SATB1: variants seen among roughly 807,000 people sequenced by gnomAD.
SATB1 encodes SATB homeobox 1.
Under a neutral mutation model 86.9 loss-of-function variants are expected in SATB1, and 11 were observed. The observed-to-expected ratio is 0.13, with a 90% CI of 0.08 to 0.21. The LOEUF (loss-of-function observed/expected upper bound fraction) is 0.21. SATB1 is among the 10% of genes least tolerant of loss of function. The probability of loss-of-function intolerance (pLI) is 1.00; values close to 1 mark genes in which losing one functional copy is unlikely to be tolerated. For missense variants in SATB1, 551 were observed against 937.6 expected (o/e 0.59, Z 5.39); for synonymous variants, 357 against 357.2 (o/e 1.00, Z 0.01).
chr3:18,402,251 G>A (rs531711409), intron 5 of SATB1, among the ~76,000 whole-genome samples: 2 of 151,964 alleles, frequency 1.3e-5, no homozygotes, highest in Non-Finnish European at 2.9e-5. Context: ...TGAGAGAGGT[G>A]AGGCCTTCTC....
chr3:18,443,467 T>C (rs1372450984), upstream of SATB1, among the ~76,000 whole-genome samples: 1 of 152,318 alleles, frequency 6.6e-6, no homozygotes, highest in Admixed American at 6.5e-5. The surrounding 1 kb of genome is among the most constrained non-coding windows in gnomAD (Gnocchi z 4.4). Flanking sequence ...GAGGTCAAAG[T>C]TGCCAACCAG....
At chr3:18,403,947 C>G (rs1322663966) in intron 5 of SATB1, among the ~76,000 whole-genome samples, 1 of 151,960 alleles carries the variant, frequency 6.6e-6, no homozygotes, top group Admixed American at 6.6e-5. Context: ...TTTACAGCAG[C>G]TTTTTATCTG....
At chr3:18,401,009 G>A (rs1038584503) in intron 5 of SATB1, among the ~76,000 whole-genome samples, 3 of 152,152 alleles carry the variant, frequency 2.0e-5, no homozygotes, top group East Asian at 3.9e-4. Context: ...TTGGATGCAC[G>A]GCCCATGCCC....
chr3:18,406,655 C>T (rs1234187686), intron 5 of SATB1, among the ~76,000 whole-genome samples: 2 of 151,946 alleles, frequency 1.3e-5, no homozygotes, highest in African/African-American at 4.8e-5. Flanking sequence ...TATTGTTGTG[C>T]TTACAAATGT....
intron 2 of SATB1, among the ~76,000 whole-genome samples, chr3:18,431,152 A>T (rs1698878252): frequency 6.6e-6 from 1 of 152,160 alleles, no homozygotes; most frequent in African/African-American, 2.4e-5. Context: ...ATCGAGTAAG[A>T]AGAAGGAAGG....
chr3:18,445,083 T>C (rs1284928386), intron 1 of SATB1: 3 of 433,072 alleles, frequency 6.9e-6, no homozygotes, highest in Non-Finnish European at 6.1e-6. Flanking sequence ...GACGTGGCGC[T>C]TCGGACCGGG....
intron 10 of SATB1, chr3:18,350,966 T>C (rs1694328369): frequency 3.2e-6 from 1 of 315,864 alleles, no homozygotes. Flanking sequence ...GCATTTTACT[T>C]TAAAAGAGAG....
chr3:18,358,134 T>C (rs893231783), intron 9 of SATB1, among the ~76,000 whole-genome samples: 1 of 151,992 alleles, frequency 6.6e-6, no homozygotes, highest in Non-Finnish European at 1.5e-5. Context: ...TTAACTATTT[T>C]CCAGAAGGTC....
intron 9 of SATB1, among the ~76,000 whole-genome samples, chr3:18,371,092 CGAG>C (rs1306758682): frequency 6.6e-6 from 1 of 151,970 alleles, no homozygotes; most frequent in African/African-American, 2.4e-5. Context: ...CTGAGGCGGC[CGAG>C]GAGGCTGGCA....
chr3:18,422,056 T>C (rs1251980300), intron 1 of SATB1, among the ~76,000 whole-genome samples: 2 of 152,178 alleles, frequency 1.3e-5, no homozygotes, highest in African/African-American at 4.8e-5. Context: ...TTTTAAAGTA[T>C]AGTTTTAATT....
intron 9 of SATB1, among the ~76,000 whole-genome samples, chr3:18,364,985 T>C (rs1695111280): frequency 6.6e-6 from 1 of 152,012 alleles, no homozygotes; most frequent in Non-Finnish European, 1.5e-5. Context: ...CCGCGTTGTG[T>C]ATGTGTAGGG....
At chr3:18,404,916 C>A (rs988797526) in intron 5 of SATB1, among the ~76,000 whole-genome samples, 5 of 151,938 alleles carry the variant, frequency 3.3e-5, no homozygotes, top group African/African-American at 1.2e-4. Flanking sequence ...ATGAAGGGAA[C>A]TGAACTAGAT....
intron 3 of SATB1, among the ~76,000 whole-genome samples, chr3:18,416,430 CAT>C (rs1396307231): frequency 6.6e-6 from 1 of 152,104 alleles, no homozygotes; most frequent in East Asian, 1.9e-4. Flanking sequence ...TCTAATAAGA[CAT>C]AGCCGAACCA....
Position 18,386,683 on chromosome 3 carries a change from T to A in SATB1, c.1207-72A>T, listed in dbSNP as rs1332844886. 3.4e-6 allele frequency: 4 copies of A among 1,182,142 alleles called. No homozygotes were observed. The East Asian group carries it at 9.4e-5, about 28-fold the overall frequency. The allele number at this position is 1,182,142 out of a possible 1,614,324, so 73.2% of individuals were successfully genotyped here. Reference sequence around the variant, plus strand: ...CTGGCCAGCAGTGATCCTTCCCTTTTCTTCTCCACTCTGTTTAGAAAATGA... The same window carrying A: ...CTGGCCAGCAGTGATCCTTCCCTTTACTTCTCCACTCTGTTTAGAAAATGA... On this transcript the variant is annotated intron_variant, in intron 7 of 10. Coordinates refer to ENST00000338745, the MANE Select transcript of SATB1 (RefSeq NM_002971.6). The surrounding 1 kb of genome is among the most constrained non-coding windows in gnomAD (Gnocchi z 4.5).
chr3:18,408,696 T>C (rs1022446863), intron 5 of SATB1: 5 of 150,646 alleles, frequency 3.3e-5, no homozygotes, highest in African/African-American at 1.2e-4. Context: ...TTTTTTTTCC[T>C]GGAGTTGGGG....
rs1698100129 is a variant in SATB1, at chr3:18,416,144, T to C, written c.389-11A>G. The C allele has an allele frequency of 6.3e-7, 1 of 1,591,402 alleles. No homozygotes were observed. Among genetic ancestry groups the C allele is most frequent in the African/African-American group, 1.4e-5 (1 of 74,020 alleles). On this transcript the variant is annotated splice_polypyrimidine_tract_variant and intron_variant, in intron 3 of 10. Transcript: ENST00000338745. The stretch of plus-strand genomic sequence containing the variant: ...CAACCTGGATTAGCCCTATTTCAGA[T>C]AAAGAGAATATGTCACTAAATATTT...
chr3:18,439,947 G>A (rs1055301715), upstream of SATB1, among the ~76,000 whole-genome samples: 1 of 152,152 alleles, frequency 6.6e-6, no homozygotes, highest in Non-Finnish European at 1.5e-5. Flanking sequence ...GAAGTCAAAT[G>A]AAGGAGTTAA....
At chr3:18,384,673 A>C (rs1696237773) in intron 8 of SATB1, among the ~76,000 whole-genome samples, 1 of 152,112 alleles carries the variant, frequency 6.6e-6, no homozygotes, top group South Asian at 2.1e-4. Context: ...ATTTTATTTC[A>C]TTTCGTATAT....
rs1049939724 is a variant in SATB1, at chr3:18,394,348, AAG to A, written c.1206+112_1206+113del. 19 of 871,742 alleles carry A rather than the reference AAG, an allele frequency of 2.2e-5. No homozygotes were observed. Among genetic ancestry groups the A allele is most frequent in the Admixed American group, 6.9e-5 (3 of 43,664 alleles). 54.0% of individuals were successfully genotyped at this position (871,742 alleles called of 1,614,324 possible). On this transcript the variant is annotated intron_variant, in intron 7 of 10. Transcript: ENST00000338745. This position sits in a 1 kb window ranked among gnomAD's most constrained non-coding sequence, Gnocchi z 5.9. ...CAGGAATAGGTAATATGATCACATG[AAG>A]AGAGAGAGAAAATGTTAGTACAGAA...
Sources: gnomAD v4.1 joint callset for allele counts (sites outside exome capture counted in the v4.1 genomes callset) on GRCh38, gnomAD v4.1.1 for gene constraint, Gnocchi (gnomAD v3.1) non-coding constraint, MANE v1.5 for transcripts, NCBI Gene and HGNC (gene_info 2026-07-23, HGNC 2026-07-21) for gene names.